Variants in PDE1A observed in about 807,000 individuals in gnomAD.
The protein encoded by PDE1A is dual specificity calcium/calmodulin-dependent 3',5'-cyclic nucleotide phosphodiesterase 1A.
A neutral mutation model predicts 61.7 loss-of-function variants in PDE1A; 35 were observed. The observed-to-expected ratio is 0.57, with a 90% CI of 0.43 to 0.75. The LOEUF (loss-of-function observed/expected upper bound fraction) is 0.75, where lower values mean the gene tolerates loss of function less well. PDE1A is among the 30% of genes least tolerant of loss of function. PDE1A has a pLI of 0.00. For missense variants in PDE1A, 597 were observed against 630.6 expected, an observed-to-expected ratio of 0.95 and a Z score of 0.57; for synonymous variants, 232 against 213.2, an observed-to-expected ratio of 1.09 and a Z score of -0.77.
intron 1 of PDE1A, among the ~76,000 whole-genome samples, chr2:182,390,165 A>G (rs1023461178): frequency 1.3e-5 from 2 of 152,168 alleles, no homozygotes; most frequent in African/African-American, 4.8e-5. Flanking sequence ...GTCCCTCTAG[A>G]GAATCTAGAC....
chr2:182,419,583 G>A (rs1054750014), intron 1 of PDE1A, among the ~76,000 whole-genome samples: 7 of 152,132 alleles, frequency 4.6e-5, no homozygotes, highest in African/African-American at 1.7e-4. Flanking sequence ...GGATGTAACT[G>A]CCAGAATTTT....
upstream of PDE1A, chr2:182,522,997 T>A (rs1230742241): frequency 1.3e-5 from 2 of 152,092 alleles, no homozygotes; most frequent in Admixed American, 1.3e-4. Flanking sequence ...ATATTAATGA[T>A]AACAAAGAGA....
intron 2 of PDE1A, among the ~76,000 whole-genome samples, chr2:182,485,824 A>G (rs975262456): frequency 3.3e-5 from 5 of 152,044 alleles, no homozygotes; most frequent in Non-Finnish European, 5.9e-5. Flanking sequence ...TTCAACAAAC[A>G]AAGCATAGAA....
intron 1 of PDE1A, among the ~76,000 whole-genome samples, chr2:182,364,694 G>A (rs1411350877): frequency 6.6e-6 from 1 of 151,320 alleles, no homozygotes; most frequent in Non-Finnish European, 1.5e-5. Context: ...CTTCCTGATG[G>A]AGAACTTTTA....
the PDE1A span, among the ~76,000 whole-genome samples, chr2:182,639,732 T>C: frequency 4.0e-5 from 6 of 151,696 alleles, no homozygotes; most frequent in African/African-American, 1.2e-4. Context: ...AAATATTAGA[T>C]ACAGAAGATA....
chr2:182,280,035 A>G (rs1693697739), intron 1 of PDE1A, among the ~76,000 whole-genome samples: 1 of 151,958 alleles, frequency 6.6e-6, no homozygotes, highest in Non-Finnish European at 1.5e-5. Context: ...CTGTTTTATA[A>G]TACTTGTAAC....
At chr2:182,336,476 G>C (rs1697821047) in intron 1 of PDE1A, among the ~76,000 whole-genome samples, 4 of 152,128 alleles carry the variant, frequency 2.6e-5, no homozygotes, top group Admixed American at 2.6e-4. Flanking sequence ...CAGGGACATG[G>C]ATGAAGCTGA....
At chr2:182,514,172 A>T (rs566726180) in intron 2 of PDE1A, among the ~76,000 whole-genome samples, 1 of 152,360 alleles carries the variant, frequency 6.6e-6, no homozygotes, top group South Asian at 2.1e-4. Flanking sequence ...GCTTAAAGAA[A>T]TCAGAGATGA....
the PDE1A span, among the ~76,000 whole-genome samples, chr2:182,559,814 C>T: frequency 1.3e-5 from 2 of 152,134 alleles, no homozygotes; most frequent in Non-Finnish European, 2.9e-5. Flanking sequence ...TCATTTACAA[C>T]TAAACAAAAC....
At chr2:182,269,068 CAAATA>C (rs1282336738) in intron 1 of PDE1A, among the ~76,000 whole-genome samples, 2 of 151,878 alleles carry the variant, frequency 1.3e-5, no homozygotes, top group East Asian at 1.9e-4. Flanking sequence ...TGTTATTATA[CAAATA>C]AAATAATATA....
chr2:182,221,203 G>T lies in PDE1A; in HGVS notation c.776+2661C>A, dbSNP rs146267288. On this transcript the variant is annotated intron_variant, in intron 7 of 13. Coordinates refer to ENST00000351439, the Ensembl canonical transcript of PDE1A. ...CACTTGCAGATGAATAGTAAAGGGAGAAAGCTAGAGTGATGATCTAACACT... is the reference window on the plus strand; with the variant it reads ...CACTTGCAGATGAATAGTAAAGGGATAAAGCTAGAGTGATGATCTAACACT... 1.9e-4 allele frequency among the ~76,000 whole-genome samples: 29 copies of T among 151,992 alleles called. No homozygotes were observed. The East Asian group carries it at 5.4e-3, about 28-fold the overall frequency.
At chr2:182,599,733 C>G in the PDE1A span, among the ~76,000 whole-genome samples, 1 of 152,186 alleles carries the variant, frequency 6.6e-6, no homozygotes, top group Non-Finnish European at 1.5e-5. Context: ...TGTTGCCTAT[C>G]TGAAACTTAA....
chr2:182,432,125 C>T (rs1703981418), intron 2 of PDE1A, among the ~76,000 whole-genome samples: 1 of 152,112 alleles, frequency 6.6e-6, no homozygotes, highest in African/African-American at 2.4e-5. Flanking sequence ...CTTCAACTCC[C>T]TGTATGTCAG....
chr2:182,564,351 ATTCTT>A, the PDE1A span, among the ~76,000 whole-genome samples: 1 of 152,146 alleles, frequency 6.6e-6, no homozygotes, highest in African/African-American at 2.4e-5. Context: ...TGGGTTGAAA[ATTCTT>A]TTCTTTAAGA....
chr2:182,417,457 A>G (rs1702990821), intron 1 of PDE1A, among the ~76,000 whole-genome samples: 1 of 152,136 alleles, frequency 6.6e-6, no homozygotes, highest in South Asian at 2.1e-4. Context: ...ATTTTTTAAA[A>G]TTCCCCAGTG....
intron 2 of PDE1A, among the ~76,000 whole-genome samples, chr2:182,481,752 CT>C (rs1258677091): frequency 1.3e-5 from 2 of 151,888 alleles, no homozygotes; most frequent in Non-Finnish European, 2.9e-5. Flanking sequence ...AATCTCGTCT[CT>C]TTTCTTTTAG....
At chr2:182,550,134 A>C in the PDE1A span, among the ~76,000 whole-genome samples, 570 of 152,294 alleles carry the variant, frequency 3.7e-3, 8 homozygotes, top group African/African-American at 0.013. Context: ...TCCAGGTTCT[A>C]CCTCTGTTTA....
At chr2:182,554,885 C>T in the PDE1A span, among the ~76,000 whole-genome samples, 1 of 152,102 alleles carries the variant, frequency 6.6e-6, no homozygotes, top group African/African-American at 2.4e-5. Context: ...CTGTAATTCA[C>T]CATAAAATTT....
At chr2:182,189,459 A>G (rs1450676347) in intron 10 of PDE1A, among the ~76,000 whole-genome samples, 1 of 152,212 alleles carries the variant, frequency 6.6e-6, no homozygotes, top group East Asian at 1.9e-4. Context: ...GACCTTTACT[A>G]TCAAAATTTT....
Sources: gnomAD v4.1 joint callset for allele counts (sites outside exome capture counted in the v4.1 genomes callset) on GRCh38, gnomAD v4.1.1 for gene constraint, MANE v1.5 for transcripts, NCBI Gene and HGNC (gene_info 2026-07-23, HGNC 2026-07-21) for gene names.